The following METAP1 variants were observed in gnomAD, a reference collection of about 807,000 sequenced individuals.
The protein encoded by METAP1 is methionine aminopeptidase 1.
In METAP1, 28 loss-of-function variants were observed where a neutral mutation model predicts 53.8. That is an observed-to-expected ratio of 0.52 (90% CI 0.39 to 0.71). The LOEUF (loss-of-function observed/expected upper bound fraction) is 0.71. METAP1 is among the 30% of genes least tolerant of loss of function. METAP1 has a pLI of 0.00. For missense variants in METAP1, 389 were observed against 479.8 expected (o/e 0.81, Z 1.77); for synonymous variants, 181 against 165.7 (o/e 1.09, Z -0.71).
intron 9 of METAP1, among the ~76,000 whole-genome samples, chr4:99,052,466 T>C (rs1726781806): frequency 6.6e-6 from 1 of 152,164 alleles, no homozygotes; most frequent in Non-Finnish European, 1.5e-5. Context: ...CTTACAATCA[T>C]GGCGGAAGGC....
chr4:99,022,778 T>C, intron 1 of METAP1: 2 of 1,601,982 alleles, frequency 1.2e-6, no homozygotes, highest in Non-Finnish European at 1.7e-6. Context: ...CGCCACACTC[T>C]TGGCTATGCG....
intron 10 of METAP1, among the ~76,000 whole-genome samples, chr4:99,058,679 G>A (rs1727321678): frequency 6.6e-6 from 1 of 152,166 alleles, no homozygotes; most frequent in African/African-American, 2.4e-5. Flanking sequence ...ACCCAGTCTT[G>A]GGAGTGACTT....
intron 1 of METAP1, among the ~76,000 whole-genome samples, chr4:99,027,314 A>G (rs140343585): frequency 2.0e-5 from 3 of 152,286 alleles, no homozygotes; most frequent in African/African-American, 7.2e-5. Flanking sequence ...TTATTACCCT[A>G]CTTCTTAGGG....
chr4:99,034,098 G>A (rs577496645), intron 2 of METAP1, 132 bp from the exon 3 acceptor site: 30 of 602,958 alleles, frequency 5.0e-5, no homozygotes, highest in Middle Eastern at 5.3e-4. Context: ...GTGGATTTTT[G>A]TGCCTGGACT....
rs540064023 is a variant in METAP1, at chr4:99,031,872, A to G, written c.167-2358A>G. 2.6e-5 allele frequency among the ~76,000 whole-genome samples: 4 copies of G among 152,346 alleles called. No individual in the cohort carries two copies. The South Asian group carries it at 8.3e-4, about 32-fold the overall frequency. ...GCATGTATCACGTACTTATGACACTACCTGCATTTTACCTGGGACTGTTGC... is the reference window on the plus strand; with the variant it reads ...GCATGTATCACGTACTTATGACACTGCCTGCATTTTACCTGGGACTGTTGC... On this transcript the variant is annotated intron_variant, in intron 2 of 10. Coordinates refer to ENST00000296411, the MANE Select transcript of METAP1 (RefSeq NM_015143.3).
intron 2 of METAP1, among the ~76,000 whole-genome samples, chr4:99,033,953 T>C (rs1343793806): frequency 6.6e-6 from 1 of 152,202 alleles, no homozygotes; most frequent in Non-Finnish European, 1.5e-5. Context: ...TGTTCGATAT[T>C]ATGTAAAAAC....
intron 4 of METAP1, among the ~76,000 whole-genome samples, chr4:99,037,256 A>G (rs1018416835): frequency 2.6e-5 from 4 of 151,474 alleles, no homozygotes. Context: ...GTTTTTTACC[A>G]ATTGACCGTT....
intron 8 of METAP1, 34 bp from the exon 9 acceptor site, chr4:99,048,699 T>C (rs1017039215): frequency 3.7e-6 from 6 of 1,604,570 alleles, no homozygotes; most frequent in African/African-American, 2.7e-5. Context: ...GTATTAGTTA[T>C]TAGTTTATCA....
At chr4:99,022,946 G>A (rs6841819) in intron 1 of METAP1, 483,036 of 1,486,922 alleles carry the variant, frequency 0.32, 84,694 homozygotes, top group Middle Eastern at 0.36. Flanking sequence ...AGAAGGTTGC[G>A]GACATGTAGG....
chr4:99,041,126 A>C lies in METAP1; in HGVS notation c.516A>C (p.Leu172Phe). The C allele has an allele frequency of 6.3e-7, 1 of 1,579,170 alleles. No individual in the cohort carries two copies. The change falls in exon 6 of 11, where the codon TTA becomes TTC. Residue 172 changes from leucine to phenylalanine, a missense_variant and splice_region_variant. Leu to Phe is a conservative substitution (Grantham distance 22). Transcript: ENST00000296411. ...TTEEIDHAVH[L>F]ACIARNCYPS... is the part of the protein sequence containing the mutation. ...AAGAAATAGATCACGCTGTACACTT[A>C]GTAAGAACTTCACTTTTTTACTTTG...
chr4:99,052,259 T>G (rs1726767338), intron 9 of METAP1, among the ~76,000 whole-genome samples: 1 of 152,246 alleles, frequency 6.6e-6, no homozygotes, highest in Admixed American at 6.5e-5. Flanking sequence ...CTTCTCTTGA[T>G]GTTGATGGCT....
intron 9 of METAP1, among the ~76,000 whole-genome samples, chr4:99,055,184 A>C (rs1727012960): frequency 6.6e-6 from 1 of 152,086 alleles, no homozygotes; most frequent in African/African-American, 2.4e-5. Context: ...TGAGGTCAGG[A>C]GTTCTAGACC....
chr4:99,024,831 T>C (rs541350613), intron 1 of METAP1, among the ~76,000 whole-genome samples: 1 of 152,346 alleles, frequency 6.6e-6, no homozygotes, highest in East Asian at 1.9e-4. Flanking sequence ...TTTTAAGTGG[T>C]TCCTAACCTG....
intron 1 of METAP1, among the ~76,000 whole-genome samples, chr4:99,009,291 C>G (rs897998735): frequency 6.6e-6 from 1 of 152,218 alleles, no homozygotes; most frequent in African/African-American, 2.4e-5. Context: ...TGGGTTGTCT[C>G]TACCTCTTGG....
At chr4:99,015,752 C>T (rs976153930) in intron 1 of METAP1, among the ~76,000 whole-genome samples, 2 of 152,044 alleles carry the variant, frequency 1.3e-5, no homozygotes, top group Admixed American at 6.5e-5. Flanking sequence ...TATGTAGGTC[C>T]CCGCATGGCA....
At chr4:99,012,072 A>T (rs1723498895) in intron 1 of METAP1, among the ~76,000 whole-genome samples, 1 of 151,668 alleles carries the variant, frequency 6.6e-6, no homozygotes, top group South Asian at 2.1e-4. Context: ...CATTGTTTTT[A>T]TTTTTTTGGG....
intron 1 of METAP1, chr4:99,022,402 G>T: frequency 2.6e-6 from 2 of 757,570 alleles, no homozygotes; most frequent in Non-Finnish European, 2.0e-6. Flanking sequence ...GTTGGAGTGG[G>T]CCTTGTCCTA....
chr4:99,025,503 T>TG lies in METAP1; in HGVS notation c.115-3360dup, dbSNP rs1259372795. On this transcript the variant is annotated intron_variant, in intron 1 of 10. Coordinates refer to ENST00000296411, the MANE Select transcript of METAP1 (RefSeq NM_015143.3). ...CCAGAGATTCTGATTGAATTTGAAG[T>TG]GGGGAATAACATGGCTATTTATTTG... The TG allele has an allele frequency of 1.7e-5, 16 of 958,238 alleles. No homozygotes were observed. The Admixed American group carries it at 9.8e-4, about 59-fold the overall frequency. The allele number at this position is 958,238 out of a possible 1,614,324, so 59.4% of individuals were successfully genotyped here.
At chr4:99,053,670 C>T (rs567103184) in intron 9 of METAP1, among the ~76,000 whole-genome samples, 1 of 152,210 alleles carries the variant, frequency 6.6e-6, no homozygotes, top group South Asian at 2.1e-4. Context: ...AAATGTATTT[C>T]TTAAATAATA....
Sources: allele counts gnomAD v4.1 joint callset (sites outside exome capture counted in the v4.1 genomes callset), GRCh38; gene constraint gnomAD v4.1.1; transcripts MANE v1.5; gene names NCBI Gene and HGNC (gene_info 2026-07-23, HGNC 2026-07-21).